Variants in ANAPC7 observed in about 807,000 individuals in gnomAD.
ANAPC7 encodes anaphase-promoting complex subunit 7.
A neutral mutation model predicts 63.3 loss-of-function variants in ANAPC7; 25 were observed. The observed-to-expected ratio is 0.39, with a 90% CI of 0.29 to 0.55. The LOEUF (loss-of-function observed/expected upper bound fraction) is 0.55, where lower values mean the gene tolerates loss of function less well. Ranked by LOEUF, ANAPC7 falls within the 20% of genes least tolerant of loss-of-function variation. ANAPC7 has a pLI of 0.57. For missense variants in ANAPC7, 516 were observed against 691.7 expected, an observed-to-expected ratio of 0.75 and a Z score of 2.85; for synonymous variants, 241 against 251.7, an observed-to-expected ratio of 0.96 and a Z score of 0.40.
chr12:110,382,800 A>C (rs765195191), intron 7 of ANAPC7, 43 bp downstream of exon 7: 1 of 1,480,898 alleles, frequency 6.8e-7, no homozygotes, highest in Non-Finnish European at 9.4e-7. Context: ...ATTATCTCTT[A>C]ATCTACTGAC....
rs66967302 is a variant in ANAPC7, at chr12:110,382,461, A to AATAT, written c.935+378_935+381dup. Among the ~76,000 whole-genome samples the AATAT allele has an allele frequency of 7.2e-3, 223 of 30,814 alleles. 7 individuals carry two copies. The highest frequency in any genetic ancestry group is 9.0e-3 in the Non-Finnish European group (147 of 16,342). The allele number at this position is 30,814 out of a possible 152,430, so 20.2% of individuals were successfully genotyped here. On this transcript the variant is annotated intron_variant, in intron 7 of 10. Transcript: ENST00000455511. ...CCTTTTAAAAAAAAAAAAAAAAAAAAATATATATATATATATATATATATA... is the reference window on the plus strand; with the variant it reads ...CCTTTTAAAAAAAAAAAAAAAAAAAAATATATATATATATATATATATATATATA...
chr12:110,375,778 A>G, intron 10 of ANAPC7: 1 of 1,074,798 alleles, frequency 9.3e-7, no homozygotes, highest in South Asian at 4.3e-5. Context: ...CCCTATAAAA[A>G]TATGTGTGTG....
chr12:110,394,615 T>C (rs569330178), intron 3 of ANAPC7, among the ~76,000 whole-genome samples: 2 of 130,538 alleles, frequency 1.5e-5, no homozygotes, highest in South Asian at 4.7e-4. Context: ...AACTTTGCAG[T>C]GAGCCCCCAT....
intron 1 of ANAPC7, among the ~76,000 whole-genome samples, chr12:110,399,308 C>T (rs571156602): frequency 1.3e-5 from 2 of 152,054 alleles, no homozygotes; most frequent in South Asian, 2.1e-4. Context: ...GCGTGAGCCA[C>T]TGCGCCCAGC....
chr12:110,381,554 C>T (rs887448189), intron 8 of ANAPC7, among the ~76,000 whole-genome samples, 198 bp downstream of exon 8: 1 of 152,076 alleles, frequency 6.6e-6, no homozygotes, highest in Non-Finnish European at 1.5e-5. Context: ...CCAGGATGGT[C>T]TCAATCTCTT....
chr12:110,385,745 G>T (rs1882393316), intron 6 of ANAPC7, among the ~76,000 whole-genome samples: 1 of 151,906 alleles, frequency 6.6e-6, no homozygotes, highest in African/African-American at 2.4e-5. Flanking sequence ...GGCCTTTTTT[G>T]GACCTTTACA....
rs770507662 is a variant in ANAPC7 at position 110,386,431 on chromosome 12, T to C, written c.713A>G (p.Asp238Gly). The change falls in exon 6 of 11, where the codon GAC becomes GGC. Residue 238 changes from aspartate to glycine, a missense_variant. Around this residue, in one of 4 missense-constraint regions of ANAPC7, gnomAD observed 199 missense variants for 249.3 expected, o/e 0.80. Transcript: ENST00000455511. ...CAGATCTGCCAAGCTTCCCAATAGG[T>C]CCACGTTATCTCGCAATAAGGATTT... Reference protein sequence around the residue: ...EKKSLLRDNVDLLGSLADLYF... With the variant: ...EKKSLLRDNVGLLGSLADLYF... 9 of 1,613,688 alleles carry C rather than the reference T, an allele frequency of 5.6e-6. No individual in the cohort carries two copies. The highest frequency in any genetic ancestry group is 8.5e-7 in the Non-Finnish European group (1 of 1,179,912).
rs1019328081 is a variant in ANAPC7 at position 110,398,434 on chromosome 12, T to C, written c.102-1982A>G. ...ACCCTGTCTCAGAAAAAAAAAAAAG[T>C]AAACTTCACTAGCACTAGAATTCTT... On this transcript the variant is annotated intron_variant, in intron 1 of 10. Transcript: ENST00000455511. 1.9e-4 allele frequency among the ~76,000 whole-genome samples: 28 copies of C among 149,522 alleles called. 1 individual carries two copies. Among genetic ancestry groups the C allele is most frequent in the Middle Eastern group, 3.5e-3 (1 of 284 alleles).
At chr12:110,392,219 G>C (rs1159145815) in intron 3 of ANAPC7, among the ~76,000 whole-genome samples, 1 of 151,718 alleles carries the variant, frequency 6.6e-6, no homozygotes, top group East Asian at 1.9e-4. Context: ...TAGGTTACCA[G>C]AACAGGATTT....
At chr12:110,386,613 C>T (rs1353077606) in intron 5 of ANAPC7, 144 bp from the exon 6 acceptor site, 2 of 793,806 alleles carry the variant, frequency 2.5e-6, no homozygotes, top group African/African-American at 3.5e-5. Flanking sequence ...AAGCTTATGA[C>T]TTTAAAAAAA....
intron 9 of ANAPC7, among the ~76,000 whole-genome samples, chr12:110,376,568 C>CAAAAAAAAAAAAAAAA (rs57434475): frequency 6.4e-5 from 4 of 62,408 alleles, no homozygotes; most frequent in African/African-American, 2.4e-4. Context: ...GACTCCATCT[C>CAAAAAAAAAAAAAAAA]AAAAAAAAAA....
At position 110,375,937 on chromosome 12, in the gene ANAPC7, A is replaced by G. The variant is rs965645836; in HGVS notation, c.1508+129T>C. ...TGAATTCACAAATAACTCTTCTACCATTACTATTATTATTCTGCTTTCAAC... is the reference window on the plus strand; with the variant it reads ...TGAATTCACAAATAACTCTTCTACCGTTACTATTATTATTCTGCTTTCAAC... On this transcript the variant is annotated intron_variant, in intron 10 of 10. Transcript: ENST00000455511. 14 of 1,340,384 alleles carry G rather than the reference A, an allele frequency of 1.0e-5. No homozygotes were observed. In the East Asian group the frequency reaches 3.2e-4, roughly 31 times the overall value. 83.0% of individuals were successfully genotyped at this position (1,340,384 alleles called of 1,614,324 possible).
intron 4 of ANAPC7, 30 bp from the exon 5 acceptor site, chr12:110,387,922 G>A: frequency 6.2e-7 from 1 of 1,609,144 alleles, no homozygotes; most frequent in Non-Finnish European, 8.5e-7. Flanking sequence ...AAGAAAGAAA[G>A]TAAGGCACGA....
rs1883555139 is a variant in ANAPC7 at position 110,396,138 on chromosome 12, C to T, written c.288+128G>A. On this transcript the variant is annotated intron_variant, in intron 2 of 10. Coordinates refer to ENST00000455511, the MANE Select transcript of ANAPC7 (RefSeq NM_016238.3). ...TCAGGCAGTAATATTCACTAGCCCTCCACCCACCTCCTGCTGTGCAGCCTG... is the reference window on the plus strand; with the variant it reads ...TCAGGCAGTAATATTCACTAGCCCTTCACCCACCTCCTGCTGTGCAGCCTG... 3.8e-6 allele frequency: 3 copies of T among 783,450 alleles called. No individual in the cohort carries two copies. In the African/African-American group the frequency reaches 5.3e-5, roughly 14 times the overall value. 48.5% of individuals were successfully genotyped at this position (783,450 alleles called of 1,614,324 possible). A position where few individuals can be genotyped will look rare whatever the true frequency, so the allele number is the denominator to read the frequency against.
rs765508712 is a variant in ANAPC7 at position 110,373,405 on chromosome 12, T to A, written c.*739A>T. The A allele has an allele frequency of 1.6e-4, 25 of 152,156 alleles. No homozygotes were observed. Among genetic ancestry groups the A allele is most frequent in the Admixed American group, 3.9e-4 (6 of 15,272 alleles). The allele number at this position is 152,156 out of a possible 1,614,324, so 9.4% of individuals were successfully genotyped here. A position where few individuals can be genotyped will look rare whatever the true frequency, so the allele number is the denominator to read the frequency against. ...GCAAATAATTCTGGGGCTGAATCAA[T>A]GCATTGCGAATAAGACAAAAATACT... On this transcript the variant is annotated 3_prime_UTR_variant, in exon 11 of 11. Coordinates refer to ENST00000455511, the MANE Select transcript of ANAPC7 (RefSeq NM_016238.3).
chr12:110,399,956 T>C (rs2062205176), intron 1 of ANAPC7, among the ~76,000 whole-genome samples: 1 of 151,606 alleles, frequency 6.6e-6, no homozygotes. Flanking sequence ...TAGCCAGGCA[T>C]GGTGGTGGGC....
intron 3 of ANAPC7, among the ~76,000 whole-genome samples, chr12:110,390,759 T>C (rs1036928860): frequency 1.3e-5 from 2 of 152,204 alleles, no homozygotes; most frequent in East Asian, 1.9e-4. Flanking sequence ...AAAAGTTAAA[T>C]TTAAGATCCT....
chr12:110,401,369 A>G (rs543286589), intron 1 of ANAPC7, among the ~76,000 whole-genome samples: 13 of 152,288 alleles, frequency 8.5e-5, no homozygotes, highest in Admixed American at 4.6e-4. Context: ...AACACACTCA[A>G]TAAGCATGTG....
Position 110,395,128 on chromosome 12 carries a change from C to A in ANAPC7, c.381G>T (p.Gly127=), listed in dbSNP as rs758681229. The change falls in exon 3 of 11, where the codon GGG becomes GGT. Residue 127 remains glycine (G), a synonymous_variant. Coordinates refer to ENST00000455511, the MANE Select transcript of ANAPC7 (RefSeq NM_016238.3). ...TGGGAGTTCTTTGTCTTGAAGGGATCCCATCAAGTATAGCAATGGCATCTT... is the reference window on the plus strand; with the variant it reads ...TGGGAGTTCTTTGTCTTGAAGGGATACCATCAAGTATAGCAATGGCATCTT... The part of the protein sequence containing the change: ...QDKDAIAILD[G]IPSRQRTPKI... 1.9e-6 allele frequency: 3 copies of A among 1,613,730 alleles called. No homozygotes were observed. Among genetic ancestry groups the A allele is most frequent in the Non-Finnish European group, 2.5e-6 (3 of 1,179,872 alleles).
Sources: gnomAD v4.1 joint callset for allele counts (sites outside exome capture counted in the v4.1 genomes callset) on GRCh38, gnomAD v4.1.1 for gene constraint, gnomAD v4.1.1 regional missense constraint, MANE v1.5 for transcripts, NCBI Gene and HGNC (gene_info 2026-07-23, HGNC 2026-07-21) for gene names.